Variants in PARP11 observed in about 807,000 individuals in gnomAD.
PARP11 encodes poly(ADP-ribose) polymerase family member 11, also known as protein mono-ADP-ribosyltransferase PARP11.
PARP11 carries 31 observed loss-of-function variants against 42.9 expected under a neutral mutation model. The observed-to-expected ratio is 0.72, with a 90% CI of 0.54 to 0.98. The LOEUF is 0.98. Ranked by LOEUF, PARP11 falls within the 50% of genes least tolerant of loss-of-function variation. PARP11 has a pLI of 0.00. For synonymous variants in PARP11, 137 were observed against 127.3 expected (o/e 1.08, Z -0.51); for missense variants, 365 against 413.1 (o/e 0.88, Z 1.01).
chr12:3,839,818 T>TA, intron 1 of PARP11: 1 of 1,142,826 alleles, frequency 8.8e-7, no homozygotes, highest in Non-Finnish European at 1.3e-6. Flanking sequence ...TGAATTGCTG[T>TA]ATGAGAAGGT....
intron 1 of PARP11, among the ~76,000 whole-genome samples, chr12:3,838,490 C>T (rs1164249515): frequency 1.3e-5 from 2 of 152,008 alleles, no homozygotes; most frequent in East Asian, 3.9e-4. Context: ...ACAGCTGTAT[C>T]AAAAAAGTAC....
intron 1 of PARP11, among the ~76,000 whole-genome samples, chr12:3,860,528 A>G (rs781002036): frequency 4.6e-5 from 7 of 152,206 alleles, no homozygotes; most frequent in Non-Finnish European, 8.8e-5. Flanking sequence ...CAGAGCATCA[A>G]GCCAATCATT....
At chr12:3,829,080 C>T (rs1304230162) in intron 2 of PARP11, 50 bp from the exon 3 acceptor site, 1 of 1,607,402 alleles carries the variant, frequency 6.2e-7, no homozygotes, top group East Asian at 2.2e-5. Flanking sequence ...ACATTAATGA[C>T]TTGGCCACAG....
At chr12:3,813,624 C>A (rs1219711343) in intron 7 of PARP11, among the ~76,000 whole-genome samples, 3 of 152,186 alleles carry the variant, frequency 2.0e-5, no homozygotes, top group Admixed American at 6.5e-5. Flanking sequence ...TTTCAAAATG[C>A]AGCATATCCT....
chr12:3,846,276 A>T (rs993090119), intron 1 of PARP11, among the ~76,000 whole-genome samples: 28 of 147,548 alleles, frequency 1.9e-4, no homozygotes, highest in African/African-American at 6.1e-4. Context: ...CATATATTTA[A>T]AAAAAAAAAG....
At chr12:3,839,554 G>A in intron 1 of PARP11, 3 of 1,470,932 alleles carry the variant, frequency 2.0e-6, no homozygotes, top group Non-Finnish European at 2.9e-6. Context: ...GATTATAGGA[G>A]GATCATTTGA....
chr12:3,835,603 C>T (rs186417966), intron 1 of PARP11, among the ~76,000 whole-genome samples: 42 of 152,228 alleles, frequency 2.8e-4, no homozygotes, highest in Admixed American at 1.6e-3. Flanking sequence ...TACAAATATG[C>T]TCAAAGACAT....
chr12:3,813,782 C>T (rs965585729), intron 7 of PARP11, among the ~76,000 whole-genome samples: 1 of 152,138 alleles, frequency 6.6e-6, no homozygotes, highest in Non-Finnish European at 1.5e-5. Context: ...TGGATTTTCA[C>T]AACATTATAA....
Position 3,812,190 on chromosome 12 carries a change from T to A in PARP11, c.950A>T (p.Asn317Ile), listed in dbSNP as rs1947193301. ...LYDSCVDDTW[N>I]PKIFVVFDAN... ...ATCAAAAACCACAAAGATCTTTGGG[T>A]TCCAGGTATCATCCACACAGCTGTC... Residue 317 changes from asparagine (N) to isoleucine (I), a missense_variant, in exon 8 of 8, where the codon AAC (asparagine) becomes ATC (isoleucine). Asn to Ile is a moderately radical substitution (Grantham distance 149). Coordinates refer to ENST00000228820, the MANE Select transcript of PARP11 (RefSeq NM_020367.6). The A allele has an allele frequency of 6.2e-7, 1 of 1,613,976 alleles. No homozygotes were observed. Among genetic ancestry groups the A allele is most frequent in the Non-Finnish European group, 8.5e-7 (1 of 1,179,978 alleles).
intron 1 of PARP11, among the ~76,000 whole-genome samples, chr12:3,850,596 G>A (rs186676482): frequency 5.8e-4 from 89 of 152,250 alleles, no homozygotes; most frequent in African/African-American, 2.0e-3. Context: ...CCAATGGCAG[G>A]TTCCTCACAA....
At chr12:3,818,541 C>T (rs945127846) in intron 6 of PARP11, among the ~76,000 whole-genome samples, 1 of 152,174 alleles carries the variant, frequency 6.6e-6, no homozygotes, top group Admixed American at 6.5e-5. Flanking sequence ...TCAGTTCTCT[C>T]CCATGATTAA....
At chr12:3,859,357 G>A (rs1413429774) in intron 1 of PARP11, among the ~76,000 whole-genome samples, 1 of 152,002 alleles carries the variant, frequency 6.6e-6, no homozygotes, top group Non-Finnish European at 1.5e-5. Context: ...AAGGTCAGGA[G>A]ATCGAGACCA....
chr12:3,869,761 AATGT>A (rs1303528015), intron 1 of PARP11, among the ~76,000 whole-genome samples: 1 of 152,170 alleles, frequency 6.6e-6, no homozygotes, highest in Non-Finnish European at 1.5e-5. Context: ...ATTTAAATTA[AATGT>A]ATTTGCATAA....
intron 1 of PARP11, chr12:3,842,400 G>A (rs928415914): frequency 6.2e-7 from 1 of 1,611,048 alleles, no homozygotes; most frequent in African/African-American, 1.3e-5. Context: ...GGAAAGGACA[G>A]CCAAGCAGAA....
At chr12:3,837,958 A>G (rs1300884614) in intron 1 of PARP11, among the ~76,000 whole-genome samples, 1 of 151,806 alleles carries the variant, frequency 6.6e-6, no homozygotes, top group East Asian at 1.9e-4. Flanking sequence ...TAAAACAAAC[A>G]TTAATAGACT....
rs1295636188 is a variant in PARP11 at position 3,811,927 on chromosome 12, C to T, written c.*196G>A. On this transcript the variant is annotated 3_prime_UTR_variant, in exon 8 of 8. Coordinates refer to ENST00000228820, the MANE Select transcript of PARP11 (RefSeq NM_020367.6). ...TGATATCAACTTTTAACAAACAAGA[C>T]TACAAGAAACAGGCAAAAACAAAAC... is the stretch of plus-strand genomic sequence containing the variant. The T allele has an allele frequency of 3.7e-6, 2 of 534,186 alleles. No homozygotes were observed. Among genetic ancestry groups the T allele is most frequent in the African/African-American group, 3.9e-5 (2 of 51,594 alleles). The allele number at this position is 534,186 out of a possible 1,614,324, so 33.1% of individuals were successfully genotyped here.
chr12:3,870,548 G>A (rs1330017962), intron 1 of PARP11, among the ~76,000 whole-genome samples: 1 of 152,236 alleles, frequency 6.6e-6, no homozygotes, highest in African/African-American at 2.4e-5. Flanking sequence ...TCTGATGTAT[G>A]TGTGACGCAG....
At chr12:3,860,991 T>C (rs1245312550) in intron 1 of PARP11, among the ~76,000 whole-genome samples, 2 of 152,222 alleles carry the variant, frequency 1.3e-5, no homozygotes, top group East Asian at 3.8e-4. Flanking sequence ...CATTGCATTT[T>C]GGAAGCACAT....
At chr12:3,850,464 G>A (rs1948077232) in intron 1 of PARP11, among the ~76,000 whole-genome samples, 1 of 152,018 alleles carries the variant, frequency 6.6e-6, no homozygotes, top group Non-Finnish European at 1.5e-5. Context: ...GTTTATTCAA[G>A]GGAAAAAAGA....
Sources: allele counts gnomAD v4.1 joint callset (sites outside exome capture counted in the v4.1 genomes callset), GRCh38; gene constraint gnomAD v4.1.1; transcripts MANE v1.5; gene names NCBI Gene and HGNC (gene_info 2026-07-23, HGNC 2026-07-21).